ARMCX4: variants seen among roughly 807,000 people sequenced by gnomAD.
ARMCX4 encodes armadillo repeat-containing X-linked protein 4.
In ARMCX4, 3 loss-of-function variants were observed where a neutral mutation model predicts 34.7. The observed-to-expected ratio is 0.09, with a 90% confidence interval of 0.04 to 0.22. The LOEUF (loss-of-function observed/expected upper bound fraction) is 0.22. Among genes scored for constraint, ARMCX4 ranks in the 10% least tolerant of loss-of-function variants. ARMCX4 has a pLI of 1.00. For missense variants in ARMCX4, 1,448 were observed against 1,720.8 expected (o/e 0.84, Z 2.81); for synonymous variants, 513 against 632.8 (o/e 0.81, Z 2.84).
downstream of ARMCX4, among the ~76,000 whole-genome samples, chrX:101,500,803 A>G (rs781899882): frequency 2.9e-3 from 331 of 112,230 alleles, no homozygotes; most frequent in African/African-American, 9.1e-3. Context: ...GTCCTCTGTC[A>G]TAATATAGTC....
rs1556011194 is a variant in ARMCX4, at chrX:101,494,383, A to G, written c.5794A>G (p.Thr1932Ala). 1 of 1,154,955 alleles carries G rather than the reference A, an allele frequency of 8.7e-7. No individual in the cohort carries two copies. Among genetic ancestry groups the G allele is most frequent in the South Asian group, 1.9e-5 (1 of 52,695 alleles). Residue 1932 changes from threonine to alanine, a missense_variant, in exon 6 of 6, where the codon ACC becomes GCC. By Grantham distance (58) the Thr-to-Ala change is moderately conservative. Transcript: ENST00000423738. ...ASFESGAGDN[T>A]SIKDKFEAAG... ...TTTTGAGTCTGGAGCTGGGGATAAC[A>G]CCAGCATCAAGGATAAGTTTGAGGC...
At chrX:101,453,308 T>C (rs1436566700) in intron 4 of ARMCX4, among the ~76,000 whole-genome samples, 1 of 112,454 alleles carries the variant, frequency 8.9e-6, no homozygotes, top group Non-Finnish European at 1.9e-5. Context: ...CCACTAACAT[T>C]AATACTCTGA....
chrX:101,508,245 C>G (rs1196553879), intron 8 of ARMCX4, among the ~76,000 whole-genome samples: 1 of 112,403 alleles, frequency 8.9e-6, no homozygotes, highest in Admixed American at 9.4e-5. Context: ...TATAATCATA[C>G]AAGGCTAATG....
At chrX:101,519,149 A>G (rs1556018555) in intron 11 of ARMCX4, among the ~76,000 whole-genome samples, 2 of 111,613 alleles carry the variant, frequency 1.8e-5, no homozygotes, top group Non-Finnish European at 3.8e-5. Context: ...AACTTTGAGT[A>G]TAAATCTTCT....
intron 11 of ARMCX4, among the ~76,000 whole-genome samples, chrX:101,515,549 T>TTCTCTCTC (rs1934727021): frequency 1.1e-5 from 1 of 93,034 alleles, no homozygotes; most frequent in African/African-American, 4.0e-5. Flanking sequence ...CTTTCTCTCT[T>TTCTCTCTC]TATTTCTTTG....
chrX:101,511,332 A>G (rs1219803213), intron 11 of ARMCX4, among the ~76,000 whole-genome samples: 3 of 111,257 alleles, frequency 2.7e-5, no homozygotes, highest in Non-Finnish European at 3.8e-5. Flanking sequence ...TTGATCTTCT[A>G]TTGATACATG....
In ARMCX4 at chrX:101,492,571, T is replaced by G; in HGVS notation, c.3982T>G (p.Ser1328Ala). The change falls in exon 6 of 6, where the codon TCC becomes GCC. Residue 1328 changes from serine to alanine, a missense_variant. Physicochemically the swap from Ser to Ala is moderately conservative, Grantham distance 99. This residue lies in a region of ARMCX4 where 1,343 missense variants were observed against 1,540.7 expected (regional missense o/e 0.87). Coordinates refer to ENST00000423738, the MANE Select transcript of ARMCX4 (RefSeq NM_001256155.3). ...RFEDQASGEG[S>A]WAGAGGQASG... ...TGAGGATCAAGCCAGTGGAGAAGGG[T>G]CCTGGGCTGGGGCTGGTGGCCAGGC... is the stretch of plus-strand genomic sequence containing the variant. 8.8e-7 allele frequency: 1 copy of G among 1,130,161 alleles called. No individual in the cohort carries two copies. Among genetic ancestry groups the G allele is most frequent in the Non-Finnish European group, 1.2e-6 (1 of 860,193 alleles). The allele number at this position is 1,130,161 out of a possible 1,213,427, so 93.1% of individuals were successfully genotyped here.
chrX:101,489,784 G>T lies in ARMCX4; in HGVS notation c.1195G>T (p.Ala399Ser). ...KAITGADMRAAAQPQAVASTH... is the reference protein window; with the variant it reads ...KAITGADMRASAQPQAVASTH... ...AATAACTGGAGCTGACATGAGAGCT[G>T]CTGCTCAGCCTCAAGCTGTTGCCAG... The change falls in exon 6 of 6, where the codon GCT becomes TCT. Residue 399 changes from alanine to serine, a missense_variant. Ala to Ser is a moderately conservative substitution (Grantham distance 99, BLOSUM62 1). Around this residue, in one of 2 missense-constraint regions of ARMCX4, gnomAD observed 1,343 missense variants for 1,540.7 expected, o/e 0.87. Coordinates refer to ENST00000423738, the MANE Select transcript of ARMCX4 (RefSeq NM_001256155.3). 1 of 1,155,474 alleles carries T rather than the reference G, an allele frequency of 8.7e-7. No homozygotes were observed.
chrX:101,486,833 G>A (rs1351572864), intron 2 of ARMCX4, among the ~76,000 whole-genome samples: 16 of 109,803 alleles, frequency 1.5e-4, no homozygotes, highest in Admixed American at 6.9e-4. Flanking sequence ...AGGCTGAGGT[G>A]GGAGGATCTT....
chrX:101,508,271 G>A (rs1265520898), intron 8 of ARMCX4, among the ~76,000 whole-genome samples: 2 of 112,355 alleles, frequency 1.8e-5, no homozygotes, highest in Admixed American at 1.9e-4. Context: ...GTCCTCTTGA[G>A]CTTCCATAAC....
At position 101,491,996 on chromosome X, in the gene ARMCX4, C is replaced by A; in HGVS notation, c.3407C>A (p.Ala1136Asp). 1 of 1,154,684 alleles carries A rather than the reference C, an allele frequency of 8.7e-7. No homozygotes were observed. The highest frequency in any genetic ancestry group is 1.8e-5 in the African/African-American group (1 of 56,352). The change falls in exon 6 of 6, where the codon GCC becomes GAC. Residue 1136 changes from alanine (A) to aspartate (D), a missense_variant. Ala to Asp is a moderately radical substitution (Grantham distance 126, BLOSUM62 -2). Coordinates refer to ENST00000423738, the MANE Select transcript of ARMCX4 (RefSeq NM_001256155.3). Reference protein sequence around the residue: ...SVSWADDENEASIGSWSGASD... With the variant: ...SVSWADDENEDSIGSWSGASD... The stretch of plus-strand genomic sequence containing the variant: ...TCCTGGGCTGATGATGAGAATGAAG[C>A]CAGTATTGGGTCCTGGAGTGGGGCT...
chrX:101,454,453 A>AT (rs368101420), intron 4 of ARMCX4, among the ~76,000 whole-genome samples: 95 of 88,703 alleles, frequency 1.1e-3, no homozygotes, highest in Admixed American at 4.2e-3. Context: ...TTGTTTTTGT[A>AT]TTTTTTTTTT....
chrX:101,471,704 C>T (rs1431696358), intron 4 of ARMCX4, among the ~76,000 whole-genome samples: 1 of 111,528 alleles, frequency 9.0e-6, no homozygotes, highest in African/African-American at 3.3e-5. Context: ...CACACTGACA[C>T]CTCACACAGC....
chrX:101,480,711 G>C (rs1933410250), upstream of ARMCX4, among the ~76,000 whole-genome samples: 1 of 112,113 alleles, frequency 8.9e-6, no homozygotes, highest in Non-Finnish European at 1.9e-5. Context: ...AAAAAATACA[G>C]CTGAATAGGA....
chrX:101,480,446 G>C (rs1213691592), intron 4 of ARMCX4, among the ~76,000 whole-genome samples: 1 of 111,145 alleles, frequency 9.0e-6, no homozygotes, highest in Non-Finnish European at 1.9e-5. Flanking sequence ...TGCATTTGTA[G>C]TCCTAGCTAC....
intron 2 of ARMCX4, among the ~76,000 whole-genome samples, chrX:101,440,050 G>T (rs782565457): frequency 1.9e-5 from 2 of 107,914 alleles, no homozygotes; most frequent in East Asian, 5.8e-4. Flanking sequence ...GAGGAGAGGC[G>T]CTCTGATTTT....
chrX:101,466,712 CT>C (rs1761246245), intron 4 of ARMCX4, among the ~76,000 whole-genome samples: 1 of 111,363 alleles, frequency 9.0e-6, no homozygotes, highest in African/African-American at 3.3e-5. Context: ...GGTGCTGAGG[CT>C]GAAGAGAGAG....
chrX:101,534,859 G>A (rs1159273477), downstream of ARMCX4, among the ~76,000 whole-genome samples: 37 of 111,731 alleles, frequency 3.3e-4, no homozygotes, highest in Non-Finnish European at 3.6e-4. Flanking sequence ...TTCTTAGAAC[G>A]CCAAAATTCC....
At chrX:101,465,349 T>C (rs1439832569) in intron 4 of ARMCX4, among the ~76,000 whole-genome samples, 1 of 111,700 alleles carries the variant, frequency 9.0e-6, no homozygotes, top group African/African-American at 3.2e-5. Flanking sequence ...GAAAAAGATA[T>C]GCCATGCAAA....
Sources: gnomAD v4.1 joint callset for allele counts (sites outside exome capture counted in the v4.1 genomes callset) on GRCh38, gnomAD v4.1.1 for gene constraint, gnomAD v4.1.1 regional missense constraint, MANE v1.5 for transcripts, NCBI Gene and HGNC (gene_info 2026-07-23, HGNC 2026-07-21) for gene names.